The following MAP3K7 variants were observed in gnomAD, a reference collection of about 807,000 sequenced individuals.
The protein encoded by MAP3K7 is mitogen-activated protein kinase kinase kinase 7.
Under a neutral mutation model 84.8 loss-of-function variants are expected in MAP3K7, and 21 were observed. That is an observed-to-expected ratio of 0.25 (90% CI 0.18 to 0.36). The LOEUF (loss-of-function observed/expected upper bound fraction) is 0.36, where lower values mean the gene tolerates loss of function less well. MAP3K7 is among the 10% of genes least tolerant of loss of function. The pLI is 1.00. For synonymous variants in MAP3K7, 241 were observed against 247.7 expected, an observed-to-expected ratio of 0.97 and a Z score of 0.25; for missense variants, 503 against 747.7, an observed-to-expected ratio of 0.67 and a Z score of 3.82.
chr6:90,575,302 G>C (rs1023660867), intron 1 of MAP3K7, among the ~76,000 whole-genome samples: 1 of 152,142 alleles, frequency 6.6e-6, no homozygotes. Flanking sequence ...AGAGCCAAAG[G>C]TAAGGGCTAA....
intron 2 of MAP3K7, among the ~76,000 whole-genome samples, chr6:90,569,618 C>T (rs1776834317): frequency 6.6e-6 from 1 of 152,110 alleles, no homozygotes. Flanking sequence ...GCTGGGACTA[C>T]AGGTGCACAG....
At chr6:90,578,730 GA>G (rs1439395991) in intron 1 of MAP3K7, among the ~76,000 whole-genome samples, 1 of 152,130 alleles carries the variant, frequency 6.6e-6, no homozygotes, top group Non-Finnish European at 1.5e-5. Flanking sequence ...CTCTCTAAGG[GA>G]GAAGTCTGAA....
intron 12 of MAP3K7, among the ~76,000 whole-genome samples, chr6:90,543,515 A>C (rs1775915403): frequency 6.6e-6 from 1 of 152,100 alleles, no homozygotes; most frequent in Non-Finnish European, 1.5e-5. Context: ...TACAATCAAT[A>C]ATAAGCAACA....
intron 9 of MAP3K7, among the ~76,000 whole-genome samples, chr6:90,548,430 TAGA>T (rs1776073016): frequency 6.6e-6 from 1 of 152,116 alleles, no homozygotes; most frequent in Admixed American, 6.6e-5. Context: ...CCTGAGCTAG[TAGA>T]AGAACTGAGG....
At chr6:90,540,476 A>G (rs1191475963) in intron 12 of MAP3K7, among the ~76,000 whole-genome samples, 2 of 151,958 alleles carry the variant, frequency 1.3e-5, no homozygotes, top group Admixed American at 6.6e-5. Flanking sequence ...TTACTTTTGC[A>G]TATCACATTT....
chr6:90,537,208 G>T (rs1775709671), intron 12 of MAP3K7: 1 of 152,014 alleles, frequency 6.6e-6, no homozygotes, highest in South Asian at 2.1e-4. Flanking sequence ...TGAGAGATCA[G>T]CTGTCTAAAA....
chr6:90,519,431 TAA>T (rs1453363954), intron 14 of MAP3K7, 112 bp from the exon 15 acceptor site: 6 of 678,382 alleles, frequency 8.8e-6, no homozygotes, highest in Non-Finnish European at 1.5e-5. Context: ...ATATGTAAAT[TAA>T]AAGTTACAGC....
chr6:90,545,454 T>A (rs775009045), intron 11 of MAP3K7, among the ~76,000 whole-genome samples: 3 of 152,106 alleles, frequency 2.0e-5, no homozygotes, highest in Non-Finnish European at 4.4e-5. Context: ...AAACCATTAT[T>A]ATAACAATTT....
At chr6:90,586,731 G>A (rs1360794469) in intron 1 of MAP3K7, 33 bp downstream of exon 1, 5 of 1,551,162 alleles carry the variant, frequency 3.2e-6, no homozygotes, top group Admixed American at 3.9e-5. Flanking sequence ...GGGGCAGGCC[G>A]GGACCGGCGT....
In MAP3K7 at chr6:90,548,186, A is replaced by T; in HGVS notation, c.950-9T>A. On this transcript the variant is annotated splice_polypyrimidine_tract_variant and intron_variant, in intron 9 of 16. Transcript: ENST00000369329. ...AATGTCCATGAATGAGCCTAGGAAA[A>T]GCAGAAACATTTATGACTAATGGCT... 1 of 1,601,542 alleles carries T rather than the reference A, an allele frequency of 6.2e-7. No homozygotes were observed. The highest frequency in any genetic ancestry group is 8.5e-7 in the Non-Finnish European group (1 of 1,174,942).
At chr6:90,536,196 GTATT>G (rs1419901773) in intron 13 of MAP3K7, 137 bp downstream of exon 13, 1 of 578,890 alleles carries the variant, frequency 1.7e-6, no homozygotes, top group Admixed American at 3.1e-5. Context: ...TCCCCCCTAA[GTATT>G]TAAGTTCAGG....
At position 90,569,096 on chromosome 6, in the gene MAP3K7, T is replaced by A. The variant is rs190465945; in HGVS notation, c.232-473A>T. On this transcript the variant is annotated intron_variant, in intron 2 of 16. Coordinates refer to ENST00000369329, the MANE Select transcript of MAP3K7 (RefSeq NM_145331.3). ...GGCCCTAATGTGCACTTTATAGATATTGTATAATTATCACAACTCCGCAAG... is the reference window on the plus strand; with the variant it reads ...GGCCCTAATGTGCACTTTATAGATAATGTATAATTATCACAACTCCGCAAG... 1.8e-4 allele frequency among the ~76,000 whole-genome samples: 27 copies of A among 152,286 alleles called. No individual in the cohort carries two copies. In the East Asian group the frequency reaches 3.9e-3, roughly 22 times the overall value.
At chr6:90,552,249 G>T (rs142761539) in intron 7 of MAP3K7, 70 bp from the exon 8 acceptor site, 2 of 1,373,354 alleles carry the variant, frequency 1.5e-6, no homozygotes, top group Non-Finnish European at 2.0e-6. Context: ...CTCTTTGTAC[G>T]TATTTCCAAA....
At chr6:90,551,901 CTA>C (rs1776190241) in intron 8 of MAP3K7, 146 bp downstream of exon 8, 2 of 799,628 alleles carry the variant, frequency 2.5e-6, no homozygotes, top group South Asian at 3.4e-5. Context: ...CCTCTTCTGA[CTA>C]TGAGTAATAA....
intron 3 of MAP3K7, among the ~76,000 whole-genome samples, chr6:90,564,611 A>G (rs1280409186): frequency 3.3e-5 from 5 of 152,176 alleles, no homozygotes; most frequent in Admixed American, 6.5e-5. Context: ...ACTCCCATAC[A>G]ATAATATTGG....
At chr6:90,555,774 C>A (rs567607200) in intron 6 of MAP3K7, among the ~76,000 whole-genome samples, 1 of 152,278 alleles carries the variant, frequency 6.6e-6, no homozygotes, top group African/African-American at 2.4e-5. Context: ...TTTTTGTCAA[C>A]TGATCAATAT....
Position 90,581,940 on chromosome 6 carries a change from T to G in MAP3K7, c.120+4824A>C, listed in dbSNP as rs759173163. Among the ~76,000 whole-genome samples the G allele has an allele frequency of 3.0e-4, 45 of 152,234 alleles. 1 individual carries two copies. Among genetic ancestry groups the G allele is most frequent in the Non-Finnish European group, 2.4e-4 (16 of 68,034 alleles). On this transcript the variant is annotated intron_variant, in intron 1 of 16. Transcript: ENST00000369329. ...CCTCTTTGTAGCATATTTTAGCTTT[T>G]AAAACAAAACTTTTGTGTGTCTCCT...
chr6:90,539,314 C>T (rs980896850), intron 12 of MAP3K7, among the ~76,000 whole-genome samples: 2 of 151,806 alleles, frequency 1.3e-5, no homozygotes, highest in African/African-American at 4.8e-5. Context: ...GGCAGAAAGG[C>T]CACCTAAATA....
At chr6:90,560,395 C>G (rs1776471282) in intron 4 of MAP3K7, among the ~76,000 whole-genome samples, 181 bp from the exon 5 acceptor site, 1 of 152,176 alleles carries the variant, frequency 6.6e-6, no homozygotes, top group Non-Finnish European at 1.5e-5. Context: ...CGGACTCTCA[C>G]TTTGTCGCCA....
Sources: gnomAD v4.1 joint callset for allele counts (sites outside exome capture counted in the v4.1 genomes callset) on GRCh38, gnomAD v4.1.1 for gene constraint, MANE v1.5 for transcripts, NCBI Gene and HGNC (gene_info 2026-07-23, HGNC 2026-07-21) for gene names.